CREBRF: variants seen among roughly 807,000 people sequenced by gnomAD.
The protein encoded by CREBRF is CREB3 regulatory factor.
CREBRF carries 5 observed loss-of-function variants against 66.1 expected under a neutral mutation model. The ratio of observed to expected loss-of-function variants is 0.08; its 90% CI spans 0.04 to 0.16. The LOEUF is 0.16. CREBRF is among the 10% of genes least tolerant of loss of function. The pLI is 1.00. For synonymous variants in CREBRF, 229 were observed against 264.4 expected (o/e 0.87, Z 1.30); for missense variants, 531 against 744.9 (o/e 0.71, Z 3.34).
chr5:173,082,941 A>C lies in CREBRF; in HGVS notation c.9+2157A>C, dbSNP rs868844043. On this transcript the variant is annotated intron_variant, in intron 2 of 8. Coordinates refer to ENST00000296953, the MANE Select transcript of CREBRF (RefSeq NM_153607.3). ...AAAAAAAAAAAAAAAAAAAAAAAAA[A>C]AAAAACCGGGTGCAGTGGCTTGCAC... 1.4e-3 allele frequency among the ~76,000 whole-genome samples: 167 copies of C among 118,270 alleles called. 1 individual carries two copies. The highest frequency in any genetic ancestry group is 4.9e-3 in the African/African-American group (155 of 31,896). 77.6% of individuals were successfully genotyped at this position (118,270 alleles called of 152,430 possible).
chr5:173,077,487 G>A (rs183511301), intron 1 of CREBRF, among the ~76,000 whole-genome samples: 4 of 152,012 alleles, frequency 2.6e-5, no homozygotes, highest in South Asian at 4.2e-4. Context: ...CTGCCTCCCA[G>A]GTTCAAGCGA....
At chr5:173,088,255 C>CTTTTTTT (rs536962764) in intron 3 of CREBRF, among the ~76,000 whole-genome samples, 3 of 66,864 alleles carry the variant, frequency 4.5e-5, no homozygotes, top group East Asian at 5.2e-4. Context: ...CAAATACATT[C>CTTTTTTT]TTTTTTTTTT....
At chr5:173,060,313 C>T (rs956171805) in intron 1 of CREBRF, 1 of 151,350 alleles carries the variant, frequency 6.6e-6, no homozygotes, top group African/African-American at 2.4e-5. Flanking sequence ...GCACTGCAAC[C>T]TCCGTTTCCT....
chr5:173,125,761 G>A (rs1759256361), intron 8 of CREBRF, among the ~76,000 whole-genome samples: 1 of 152,224 alleles, frequency 6.6e-6, no homozygotes, highest in Middle Eastern at 3.2e-3. Context: ...CTACTTGGGA[G>A]GCTGAGGCAG....
chr5:173,086,708 A>G (rs982685404), intron 3 of CREBRF, 82 bp downstream of exon 3: 1 of 1,196,092 alleles, frequency 8.4e-7, no homozygotes. Context: ...TAAATGCCTG[A>G]AAAAAAAAGA....
chr5:173,122,551 G>A (rs2113794382), intron 7 of CREBRF, among the ~76,000 whole-genome samples: 1 of 143,196 alleles, frequency 7.0e-6, no homozygotes, highest in Admixed American at 7.0e-5. Context: ...TTATTTGTTG[G>A]TGTCATCTAT....
intron 3 of CREBRF, 40 bp downstream of exon 3, chr5:173,086,666 G>A (rs1239434539): frequency 3.4e-5 from 52 of 1,550,728 alleles, no homozygotes; most frequent in Non-Finnish European, 4.3e-5. Context: ...GATTGATTTG[G>A]GGTAAAAGTT....
intron 1 of CREBRF, among the ~76,000 whole-genome samples, chr5:173,075,261 A>G (rs955694266): frequency 2.0e-5 from 3 of 152,182 alleles, no homozygotes; most frequent in Non-Finnish European, 4.4e-5. Context: ...GAGTCTAGAG[A>G]ACTGCTATCA....
At position 173,091,051 on chromosome 5, in the gene CREBRF, C is replaced by T. The variant is rs150982426; in HGVS notation, c.872C>T (p.Pro291Leu). Residue 291 changes from proline (P) to leucine (L), a missense_variant, in exon 4 of 9, where the codon CCT becomes CTT. Around this residue, in one of 5 missense-constraint regions of CREBRF, gnomAD observed 309 missense variants for 341.4 expected, o/e 0.90. Coordinates refer to ENST00000296953, the MANE Select transcript of CREBRF (RefSeq NM_153607.3). ...PLQGHATPAL[P>L]FKETQELLLS... ...CAAGGTCATGCCACTCCCGCTTTGC[C>T]TTTTAAAGAAACCCAGGAACTATTA... The T allele has an allele frequency of 3.7e-4, 595 of 1,614,048 alleles. No individual in the cohort carries two copies. The highest frequency in any genetic ancestry group is 5.2e-4 in the Admixed American group (31 of 59,998).
intron 1 of CREBRF, among the ~76,000 whole-genome samples, chr5:173,067,487 T>C (rs1246332342): frequency 6.6e-6 from 1 of 152,184 alleles, no homozygotes; most frequent in African/African-American, 2.4e-5. Flanking sequence ...GTGATCATCT[T>C]TCTGGGAATG....
chr5:173,127,401 C>A (rs1759302340), intron 8 of CREBRF, among the ~76,000 whole-genome samples: 1 of 151,146 alleles, frequency 6.6e-6, no homozygotes, highest in African/African-American at 2.4e-5. Context: ...CTTCCCGCCT[C>A]AGCCTCTCAA....
intron 4 of CREBRF, among the ~76,000 whole-genome samples, chr5:173,094,321 A>C (rs1194064533): frequency 6.6e-6 from 1 of 152,228 alleles, no homozygotes; most frequent in African/African-American, 2.4e-5. Flanking sequence ...TTGCTGGATC[A>C]TATGATCGTT....
At chr5:173,127,162 C>CTTT (rs70984944) in intron 8 of CREBRF, among the ~76,000 whole-genome samples, 6 of 114,730 alleles carry the variant, frequency 5.2e-5, no homozygotes, top group Non-Finnish European at 7.3e-5. Flanking sequence ...GTTTCTTTTT[C>CTTT]TTTTTTTTTT....
chr5:173,131,642 C>T (rs1345469718), intron 8 of CREBRF, among the ~76,000 whole-genome samples: 1 of 151,956 alleles, frequency 6.6e-6, no homozygotes, highest in East Asian at 1.9e-4. Context: ...ATCAGATTGT[C>T]TCATTATTTG....
intron 5 of CREBRF, chr5:173,110,318 C>G: frequency 1.5e-6 from 1 of 670,850 alleles, no homozygotes; most frequent in South Asian, 1.5e-5. Context: ...CATATCACCC[C>G]CATTTCCTGC....
chr5:173,056,374 C>A lies in CREBRF; in HGVS notation c.-297C>A. 2.5e-6 allele frequency: 1 copy of A among 398,194 alleles called. No individual in the cohort carries two copies. Among genetic ancestry groups the A allele is most frequent in the South Asian group, 1.3e-4 (1 of 7,862 alleles). 24.7% of individuals were successfully genotyped at this position (398,194 alleles called of 1,614,324 possible). A position where few individuals can be genotyped will look rare whatever the true frequency, so the allele number is the denominator to read the frequency against. Reference sequence around the variant, plus strand: ...GGCGAGTCACGCGATTTCCGGGAACCCGTCAGGAAGGACATAAACAAAACA... The same window carrying A: ...GGCGAGTCACGCGATTTCCGGGAACACGTCAGGAAGGACATAAACAAAACA... On this transcript the variant is annotated 5_prime_UTR_variant, in exon 1 of 9. Coordinates refer to ENST00000296953, the MANE Select transcript of CREBRF (RefSeq NM_153607.3).
intron 8 of CREBRF, among the ~76,000 whole-genome samples, chr5:173,128,280 T>G (rs975025111): frequency 6.6e-6 from 1 of 152,160 alleles, no homozygotes; most frequent in African/African-American, 2.4e-5. Flanking sequence ...GGGATTATTG[T>G]TTTCTAGTTT....
chr5:173,084,777 G>A (rs1408724270), intron 2 of CREBRF, among the ~76,000 whole-genome samples: 1 of 152,064 alleles, frequency 6.6e-6, no homozygotes, highest in Non-Finnish European at 1.5e-5. Context: ...GAGTAGCTAG[G>A]ACTGCAGGTG....
chr5:173,129,679 C>T (rs147555594), intron 8 of CREBRF, among the ~76,000 whole-genome samples: 1,484 of 141,426 alleles, frequency 0.01, 6 homozygotes, highest in African/African-American at 0.019. Context: ...GAGCCAAGAT[C>T]GTGCCATTGT....
Sources: allele counts gnomAD v4.1 joint callset (sites outside exome capture counted in the v4.1 genomes callset), GRCh38; gene constraint gnomAD v4.1.1; regional missense constraint gnomAD v4.1.1; transcripts MANE v1.5; gene names NCBI Gene and HGNC (gene_info 2026-07-23, HGNC 2026-07-21).